The following LVRN variants were observed in gnomAD, a reference collection of about 807,000 sequenced individuals.
LVRN encodes aminopeptidase Q.
Under a neutral mutation model 111.4 loss-of-function variants are expected in LVRN, and 99 were observed. The observed-to-expected ratio is 0.89, with a 90% CI of 0.76 to 1.05. The LOEUF (loss-of-function observed/expected upper bound fraction) is 1.05, where lower values mean the gene tolerates loss of function less well. Among genes scored for constraint, LVRN ranks in the 50% least tolerant of loss-of-function variants. The pLI, the probability that LVRN is intolerant of heterozygous loss-of-function variation, is 0.00. For missense variants in LVRN, 1,414 were observed against 1,206.8 expected, an observed-to-expected ratio of 1.17 and a Z score of -2.54; for synonymous variants, 488 against 449.5, an observed-to-expected ratio of 1.09 and a Z score of -1.08.
At chr5:115,972,556 C>A (rs1465237434) in intron 1 of LVRN, among the ~76,000 whole-genome samples, 1 of 151,836 alleles carries the variant, frequency 6.6e-6, no homozygotes, top group African/African-American at 2.4e-5. Flanking sequence ...AGTTTTACTT[C>A]TACTTTAGTT....
intron 18 of LVRN, among the ~76,000 whole-genome samples, chr5:116,020,334 T>C (rs1748697235): frequency 6.6e-6 from 1 of 152,202 alleles, no homozygotes; most frequent in South Asian, 2.1e-4. Flanking sequence ...GAAGCAATAG[T>C]ATTTTTGTGA....
intron 18 of LVRN, among the ~76,000 whole-genome samples, chr5:116,021,969 A>T (rs1748740042): frequency 6.6e-6 from 1 of 152,222 alleles, no homozygotes; most frequent in Non-Finnish European, 1.5e-5. Context: ...ACGCATAAAT[A>T]CAACATTTTT....
intron 1 of LVRN, among the ~76,000 whole-genome samples, chr5:115,972,460 C>T (rs551617483): frequency 1.5e-4 from 22 of 151,366 alleles, no homozygotes; most frequent in Middle Eastern, 6.9e-3. Flanking sequence ...ATCACTTCTT[C>T]ATTTAGCATC....
chr5:115,993,218 A>G (rs73783042), intron 5 of LVRN, among the ~76,000 whole-genome samples: 28,073 of 149,686 alleles, frequency 0.19, 3,102 homozygotes, highest in East Asian at 0.48. Context: ...TTTTCTGTTC[A>G]GTTCAAACAG....
At chr5:115,979,925 G>A (rs1378059828) in intron 1 of LVRN, among the ~76,000 whole-genome samples, 1 of 152,104 alleles carries the variant, frequency 6.6e-6, no homozygotes, top group Non-Finnish European at 1.5e-5. Context: ...GTAGATTTTT[G>A]TTTATGTTGT....
intron 1 of LVRN, among the ~76,000 whole-genome samples, chr5:115,971,968 C>T (rs1420723791): frequency 6.6e-6 from 1 of 152,062 alleles, no homozygotes; most frequent in African/African-American, 2.4e-5. Flanking sequence ...GTATATATCT[C>T]TCTACTTATT....
intron 6 of LVRN, among the ~76,000 whole-genome samples, chr5:115,996,941 A>T (rs1482558949): frequency 1.3e-5 from 2 of 152,228 alleles, no homozygotes; most frequent in Non-Finnish European, 2.9e-5. Context: ...TGCATCTGCT[A>T]GGTACTGTTG....
Position 116,015,368 on chromosome 5 carries a change from T to TATATATATATATGGAAC in LVRN, c.2567_2568insATATATATATATGGAAC (p.Gln857TyrfsTer12). 5 of 1,586,084 alleles carry TATATATATATATGGAAC rather than the reference T, an allele frequency of 3.2e-6. No homozygotes were observed. The Admixed American group carries it at 5.2e-5, about 16-fold the overall frequency. On this transcript the variant is annotated frameshift_variant, in exon 17 of 20. Coordinates refer to ENST00000357872, the MANE Select transcript of LVRN (RefSeq NM_173800.5). LOFTEE classifies it high-confidence loss of function. ...AATACAACAAACAAAGAAGAAAAGA[T>TATATATATATATGGAAC]TCAACTTGCTTATGCAATGAGCTGC...
intron 1 of LVRN, among the ~76,000 whole-genome samples, chr5:115,978,370 G>A (rs752518559): frequency 6.6e-6 from 1 of 152,130 alleles, no homozygotes; most frequent in Non-Finnish European, 1.5e-5. Context: ...TTGAAAATAC[G>A]TATAGCTAGC....
chr5:116,005,774 G>A (rs933700319), intron 12 of LVRN, 138 bp from the exon 13 acceptor site: 3 of 725,480 alleles, frequency 4.1e-6, no homozygotes, highest in African/African-American at 1.7e-5. Context: ...CTCAGTAATT[G>A]TTGTTTCTCT....
chr5:115,996,237 A>G (rs1748107509), intron 6 of LVRN, among the ~76,000 whole-genome samples: 2 of 152,254 alleles, frequency 1.3e-5, no homozygotes, highest in African/African-American at 4.8e-5. Context: ...CATCATGAGC[A>G]TCAATTTCAG....
At chr5:116,014,370 T>C in intron 15 of LVRN, 50 bp from the exon 16 acceptor site, 1 of 1,274,588 alleles carries the variant, frequency 7.8e-7, no homozygotes. Flanking sequence ...GCAGAGAAAA[T>C]GAAGGTGGTA....
At chr5:115,969,709 A>T (rs762994710) in intron 1 of LVRN, among the ~76,000 whole-genome samples, 2 of 151,532 alleles carry the variant, frequency 1.3e-5, no homozygotes, top group Non-Finnish European at 2.9e-5. Flanking sequence ...CTGAGGCAGA[A>T]GAATCGCTTG....
rs116440195 is a variant in LVRN at position 116,009,888 on chromosome 5, A to T, written c.2094-853A>T. Among the ~76,000 whole-genome samples, 1,220 of 152,326 alleles carry T rather than the reference A, an allele frequency of 8.0e-3. 14 individuals carry two copies. The highest frequency in any genetic ancestry group is 0.026 in the African/African-American group (1,077 of 41,568). The stretch of plus-strand genomic sequence containing the variant: ...AGGATTGAGAATATTACGTATACTT[A>T]GTTGTCAAAACAGCAAGCAGGATGT... On this transcript the variant is annotated intron_variant, in intron 13 of 19. Coordinates refer to ENST00000357872, the MANE Select transcript of LVRN (RefSeq NM_173800.5).
chr5:116,000,794 G>A (rs1483888864), intron 9 of LVRN, 136 bp downstream of exon 9: 10 of 960,766 alleles, frequency 1.0e-5, no homozygotes, highest in Non-Finnish European at 1.6e-5. Context: ...TAGGTCATGG[G>A]TAGTGTCTTT....
rs565099857 is a variant in LVRN at position 115,996,831 on chromosome 5, C to A, written c.1375-2931C>A. On this transcript the variant is annotated intron_variant, in intron 6 of 19. Transcript: ENST00000357872. ...CTGCAGCCATCATATGTTGCTCTGC[C>A]TTTACTATGATGGTAAGCTGAGGCA... Among the ~76,000 whole-genome samples the A allele has an allele frequency of 4.2e-4, 64 of 152,102 alleles. 1 individual carries two copies. Among genetic ancestry groups the A allele is most frequent in the Non-Finnish European group, 7.6e-4 (52 of 68,022 alleles).
chr5:115,975,349 T>C, intron 1 of LVRN: 1 of 266,286 alleles, frequency 3.8e-6, no homozygotes, highest in Non-Finnish European at 7.2e-6. Flanking sequence ...CAATATGATA[T>C]CAACACCTTT....
chr5:115,984,984 T>G (rs1400880074), intron 3 of LVRN, among the ~76,000 whole-genome samples: 1 of 152,188 alleles, frequency 6.6e-6, no homozygotes, highest in Non-Finnish European at 1.5e-5. Flanking sequence ...TTTCTGCTTT[T>G]GCAGAAGACA....
In LVRN at chr5:116,001,169, T is replaced by C; in HGVS notation, c.1750T>C (p.Ser584Pro). 1 of 1,613,966 alleles carries C rather than the reference T, an allele frequency of 6.2e-7. No individual in the cohort carries two copies. Among genetic ancestry groups the C allele is most frequent in the Non-Finnish European group, 8.5e-7 (1 of 1,179,972 alleles). Reference sequence around the variant, plus strand: ...TTTTCCAGTGATCACTTTAAATGTGTCTACTGGCGTCATGAAACAGGAGCC... The same window carrying C: ...TTTTCCAGTGATCACTTTAAATGTGCCTACTGGCGTCATGAAACAGGAGCC... ...SGFPVITLNV[S>P]TGVMKQEPFY... Residue 584 changes from serine (S) to proline (P), a missense_variant, in exon 10 of 20, where the codon TCT becomes CCT. Ser to Pro is a moderately conservative substitution (Grantham distance 74). Transcript: ENST00000357872.
Sources: allele counts gnomAD v4.1 joint callset (sites outside exome capture counted in the v4.1 genomes callset), GRCh38; gene constraint gnomAD v4.1.1; transcripts MANE v1.5; gene names NCBI Gene and HGNC (gene_info 2026-07-23, HGNC 2026-07-21).